Variants in BTRC observed in about 807,000 individuals in gnomAD.
BTRC encodes F-box/WD repeat-containing protein 1A.
Under a neutral mutation model 85.5 loss-of-function variants are expected in BTRC, and 42 were observed. That is an observed-to-expected ratio of 0.49 (90% CI 0.38 to 0.64). BTRC has a LOEUF of 0.64. Among genes scored for constraint, BTRC ranks in the 30% least tolerant of loss-of-function variants. The pLI is 0.00. For missense variants in BTRC, 594 were observed against 743.5 expected, an observed-to-expected ratio of 0.80 and a Z score of 2.34; for synonymous variants, 255 against 263.3, an observed-to-expected ratio of 0.97 and a Z score of 0.30.
intron 5 of BTRC, among the ~76,000 whole-genome samples, chr10:101,524,891 A>G (rs1295215333): frequency 6.6e-6 from 1 of 152,188 alleles, no homozygotes; most frequent in Non-Finnish European, 1.5e-5. Context: ...AAGTCTGCTG[A>G]AAAGTGTGAC....
At chr10:101,532,230 A>T in intron 7 of BTRC, 65 bp from the exon 8 acceptor site, 1 of 1,510,334 alleles carries the variant, frequency 6.6e-7, no homozygotes, top group East Asian at 2.3e-5. Flanking sequence ...TTGTCATTAA[A>T]GCCTAAAAAG....
At chr10:101,522,625 T>G (rs545429646) in intron 5 of BTRC, among the ~76,000 whole-genome samples, 1 of 151,162 alleles carries the variant, frequency 6.6e-6, no homozygotes, top group Admixed American at 6.6e-5. Context: ...TTCACCATAT[T>G]GGCCAGGCTG....
chr10:101,368,997 C>T (rs1041297919), intron 1 of BTRC, among the ~76,000 whole-genome samples: 1 of 152,014 alleles, frequency 6.6e-6, no homozygotes, highest in Non-Finnish European at 1.5e-5. Flanking sequence ...CCAGCTTTGG[C>T]GACAGAGCGA....
At chr10:101,482,458 T>C (rs569376103) in intron 4 of BTRC, among the ~76,000 whole-genome samples, 2 of 144,628 alleles carry the variant, frequency 1.4e-5, no homozygotes, top group Non-Finnish European at 3.0e-5. Context: ...TGCAGTGGCA[T>C]GATCTCGGCT....
intron 13 of BTRC, among the ~76,000 whole-genome samples, chr10:101,548,570 G>A (rs11191043): frequency 2.0e-5 from 3 of 152,100 alleles, no homozygotes; most frequent in South Asian, 2.1e-4. Context: ...TGGGCAACAC[G>A]GTGGAATCCT....
At chr10:101,552,575 T>G (rs776214939) in intron 14 of BTRC, among the ~76,000 whole-genome samples, 2 of 152,124 alleles carry the variant, frequency 1.3e-5, no homozygotes, top group Non-Finnish European at 2.9e-5. Context: ...CATCTCATTG[T>G]AGAAGACTCA....
chr10:101,496,941 GA>G (rs951403219), intron 4 of BTRC, among the ~76,000 whole-genome samples: 19 of 152,244 alleles, frequency 1.2e-4, no homozygotes, highest in Non-Finnish European at 2.2e-4. Context: ...CTTAATTTAA[GA>G]GTCCAATTTA....
At chr10:101,508,583 G>A (rs1315635605) in intron 4 of BTRC, among the ~76,000 whole-genome samples, 3 of 152,120 alleles carry the variant, frequency 2.0e-5, no homozygotes, top group African/African-American at 7.2e-5. Context: ...AAAAAGGAAT[G>A]GACTACTCCT....
intron 1 of BTRC, among the ~76,000 whole-genome samples, chr10:101,357,440 C>CAA (rs11294551): frequency 0.2 from 16,918 of 85,622 alleles, 1,813 homozygotes; most frequent in Non-Finnish European, 0.25. Context: ...GACTCTGTCT[C>CAA]AAAAAAAAAA....
intron 4 of BTRC, among the ~76,000 whole-genome samples, chr10:101,513,496 A>C (rs1346108840): frequency 6.6e-6 from 1 of 152,196 alleles, no homozygotes; most frequent in African/African-American, 2.4e-5. Context: ...AACAATTAGA[A>C]TTACTGTTCC....
chr10:101,405,986 T>G (rs1038524447), intron 1 of BTRC, among the ~76,000 whole-genome samples: 3 of 152,310 alleles, frequency 2.0e-5, no homozygotes, highest in African/African-American at 7.2e-5. Flanking sequence ...GTCACTTCTT[T>G]GTTGCTTATT....
intron 1 of BTRC, among the ~76,000 whole-genome samples, chr10:101,359,445 A>T (rs1357989022): frequency 6.6e-6 from 1 of 151,802 alleles, no homozygotes; most frequent in Non-Finnish European, 1.5e-5. Context: ...TTTGTCTGAG[A>T]TACCCTGAGT....
chr10:101,514,777 T>C (rs762020772), intron 4 of BTRC, among the ~76,000 whole-genome samples: 55 of 151,946 alleles, frequency 3.6e-4, no homozygotes, highest in Non-Finnish European at 7.4e-4. Flanking sequence ...TCTTGGCATC[T>C]TTCTTGAAAG....
Position 101,405,317 on chromosome 10 carries a change from G to A in BTRC, c.49-25028G>A, listed in dbSNP as rs1289655613. 3.3e-5 allele frequency among the ~76,000 whole-genome samples: 5 copies of A among 152,094 alleles called. No individual in the cohort carries two copies. In the East Asian group the frequency reaches 9.6e-4, roughly 29 times the overall value. On this transcript the variant is annotated intron_variant, in intron 1 of 14. Transcript: ENST00000370187. ...GGATCACAACTCCTCTGATCAGAGA[G>A]GAAGGTTTCCTTACTTCAGAGTTTT...
At chr10:101,552,262 C>T (rs2062663045) in intron 14 of BTRC, among the ~76,000 whole-genome samples, 1 of 151,974 alleles carries the variant, frequency 6.6e-6, no homozygotes, top group African/African-American at 2.4e-5. Context: ...AATGTCAGCT[C>T]ATTGCAACCT....
chr10:101,445,469 TA>T (rs1237011497), intron 2 of BTRC, among the ~76,000 whole-genome samples: 1 of 152,214 alleles, frequency 6.6e-6, no homozygotes, highest in East Asian at 1.9e-4. Context: ...GACATAAATT[TA>T]CTCAAGCCAA....
chr10:101,368,135 G>C (rs1393655373), intron 1 of BTRC, among the ~76,000 whole-genome samples: 1 of 152,160 alleles, frequency 6.6e-6, no homozygotes, highest in Non-Finnish European at 1.5e-5. Flanking sequence ...AGGGCTTGGT[G>C]CCATCCTTTT....
intron 1 of BTRC, among the ~76,000 whole-genome samples, chr10:101,381,724 T>C (rs984008542): frequency 6.6e-6 from 1 of 152,150 alleles, no homozygotes; most frequent in Non-Finnish European, 1.5e-5. Context: ...ACCTGAATTA[T>C]CTAATTGTTA....
intron 4 of BTRC, among the ~76,000 whole-genome samples, chr10:101,498,602 TG>T (rs1946323532): frequency 6.6e-6 from 1 of 152,204 alleles, no homozygotes; most frequent in Non-Finnish European, 1.5e-5. Context: ...CTGGGGAATT[TG>T]GCATTAAGTT....
Sources: gnomAD v4.1 joint callset for allele counts (sites outside exome capture counted in the v4.1 genomes callset) on GRCh38, gnomAD v4.1.1 for gene constraint, MANE v1.5 for transcripts, NCBI Gene and HGNC (gene_info 2026-07-23, HGNC 2026-07-21) for gene names.